Variants in FRMPD4 observed in about 807,000 individuals in gnomAD.
FRMPD4 encodes the protein FERM and PDZ domain-containing protein 4.
FRMPD4 carries 22 observed loss-of-function variants against 94.1 expected under a neutral mutation model. The observed-to-expected ratio is 0.23, with a 90% confidence interval of 0.17 to 0.33. The LOEUF is 0.33. Ranked by LOEUF, FRMPD4 falls within the 10% of genes least tolerant of loss-of-function variation. The pLI is 1.00. For missense variants in FRMPD4, 1,111 were observed against 1,339.9 expected (o/e 0.83, Z 2.67); for synonymous variants, 631 against 548.6 (o/e 1.15, Z -2.10).
chrX:12,188,382 G>A (rs1219802794), intron 1 of FRMPD4, among the ~76,000 whole-genome samples: 1 of 111,506 alleles, frequency 9.0e-6, no homozygotes, highest in Non-Finnish European at 1.9e-5. Context: ...TGTTTAAAGA[G>A]GATTAAAAGA....
At chrX:12,230,904 A>G (rs2056979028) in intron 1 of FRMPD4, among the ~76,000 whole-genome samples, 1 of 85,787 alleles carries the variant, frequency 1.2e-5, no homozygotes, top group South Asian at 5.0e-4. Context: ...TATACTATAT[A>G]TACTATATAT....
chrX:12,174,657 A>G (rs1424348725), intron 1 of FRMPD4, among the ~76,000 whole-genome samples: 1 of 111,756 alleles, frequency 8.9e-6, no homozygotes, highest in South Asian at 3.8e-4. Context: ...ACTTTGATGT[A>G]TATCAGAATC....
At chrX:11,975,103 T>C (rs1282730016) in intron 3 of FRMPD4, among the ~76,000 whole-genome samples, 1 of 111,907 alleles carries the variant, frequency 8.9e-6, no homozygotes, top group Non-Finnish European at 1.9e-5. Context: ...ATTTGTTCTC[T>C]GTGTTCTTTC....
chrX:12,614,948 T>G, intron 4 of FRMPD4, 67 bp downstream of exon 4: 1 of 549,177 alleles, frequency 1.8e-6, no homozygotes, highest in Admixed American at 3.1e-5. Flanking sequence ...GAGGTCTCAA[T>G]TAGCAGAGGA....
chrX:12,327,565 A>G (rs760249641), intron 1 of FRMPD4, among the ~76,000 whole-genome samples: 3 of 112,316 alleles, frequency 2.7e-5, no homozygotes, highest in Non-Finnish European at 3.8e-5. Context: ...TTATACAGCA[A>G]TTAAAATATT....
intron 4 of FRMPD4, among the ~76,000 whole-genome samples, chrX:12,628,429 C>G (rs2059366163): frequency 9.0e-6 from 1 of 111,547 alleles, no homozygotes; most frequent in African/African-American, 3.3e-5. Flanking sequence ...AACATGTCAC[C>G]CCTTGTTCAC....
chrX:12,147,009 C>T (rs1389101084), intron 1 of FRMPD4, among the ~76,000 whole-genome samples: 3 of 112,524 alleles, frequency 2.7e-5, no homozygotes, highest in Non-Finnish European at 5.6e-5. Context: ...ATTCTACCCT[C>T]ATTCCATTAG....
chrX:12,501,045 G>T (rs1371769315), intron 2 of FRMPD4, among the ~76,000 whole-genome samples: 5 of 112,105 alleles, frequency 4.5e-5, no homozygotes, highest in Non-Finnish European at 9.4e-5. Flanking sequence ...CCATCAATAG[G>T]TGGAAACCCA....
intron 4 of FRMPD4, among the ~76,000 whole-genome samples, chrX:12,653,065 C>A (rs1295529942): frequency 8.9e-6 from 1 of 111,844 alleles, no homozygotes; most frequent in Non-Finnish European, 1.9e-5. Context: ...CCCTCCTCTA[C>A]CACTTTTCAG....
At chrX:11,875,975 G>A (rs946395727) in intron 2 of FRMPD4, among the ~76,000 whole-genome samples, 10 of 101,717 alleles carry the variant, frequency 9.8e-5, no homozygotes, top group African/African-American at 1.5e-4. Flanking sequence ...TCCCGGGTTC[G>A]CGCCATTCTC....
At chrX:11,960,693 C>T (rs986224448) in intron 3 of FRMPD4, among the ~76,000 whole-genome samples, 1 of 111,880 alleles carries the variant, frequency 8.9e-6, no homozygotes, top group Non-Finnish European at 1.9e-5. Flanking sequence ...CCACTCTGTA[C>T]CTGATGCATA....
intron 3 of FRMPD4, among the ~76,000 whole-genome samples, chrX:11,880,282 G>T (rs1401906147): frequency 9.0e-6 from 1 of 111,172 alleles, no homozygotes; most frequent in Non-Finnish European, 1.9e-5. Context: ...TATTTCATCT[G>T]GTTGGGGAGA....
intron 4 of FRMPD4, among the ~76,000 whole-genome samples, chrX:12,638,412 C>A (rs2059462501): frequency 9.0e-6 from 1 of 110,577 alleles, no homozygotes; most frequent in Non-Finnish European, 1.9e-5. Context: ...AATTTTTTTT[C>A]TTTTTTAGAG....
At chrX:12,526,193 G>A (rs1490003124) in intron 2 of FRMPD4, among the ~76,000 whole-genome samples, 2 of 112,183 alleles carry the variant, frequency 1.8e-5, no homozygotes, top group African/African-American at 6.5e-5. Context: ...AGGCTCCCCT[G>A]GTGGGTTTGT....
At chrX:12,235,704 C>T (rs1367479856) in intron 1 of FRMPD4, among the ~76,000 whole-genome samples, 3 of 112,059 alleles carry the variant, frequency 2.7e-5, no homozygotes, top group African/African-American at 9.7e-5. Context: ...TATGCAGTAT[C>T]GTACCTTTAT....
At chrX:11,953,385 A>T (rs950474871) in intron 3 of FRMPD4, among the ~76,000 whole-genome samples, 9 of 112,026 alleles carry the variant, frequency 8.0e-5, no homozygotes, top group Non-Finnish European at 1.5e-4. Flanking sequence ...CTCATTAAAG[A>T]TGTCCCTTTT....
At chrX:12,426,599 C>G (rs1429033626) in intron 1 of FRMPD4, among the ~76,000 whole-genome samples, 1 of 111,171 alleles carries the variant, frequency 9.0e-6, no homozygotes, top group African/African-American at 3.3e-5. Flanking sequence ...GCCCACCTTT[C>G]TCTACCCTTA....
chrX:12,679,320 C>G (rs1016331108), intron 5 of FRMPD4, among the ~76,000 whole-genome samples: 7 of 111,609 alleles, frequency 6.3e-5, no homozygotes, highest in Non-Finnish European at 1.3e-4. Flanking sequence ...TTTTTTTATA[C>G]TCACAGGTCC....
chrX:12,264,120 C>T (rs2054238304), intron 1 of FRMPD4, among the ~76,000 whole-genome samples: 1 of 111,479 alleles, frequency 9.0e-6, no homozygotes. Flanking sequence ...ACTCTTGAGC[C>T]TTTGTTCTGA....
Sources: gnomAD v4.1 joint callset for allele counts (sites outside exome capture counted in the v4.1 genomes callset) on GRCh38, gnomAD v4.1.1 for gene constraint, MANE v1.5 for transcripts, NCBI Gene and HGNC (gene_info 2026-07-23, HGNC 2026-07-21) for gene names.